The following ANKS1B variants were observed in gnomAD, a reference collection of about 807,000 sequenced individuals.
ANKS1B encodes ankyrin repeat and sterile alpha motif domain-containing protein 1B.
In ANKS1B, 36 loss-of-function variants were observed where a neutral mutation model predicts 148.3. The observed-to-expected ratio is 0.24, with a 90% CI of 0.19 to 0.32. The LOEUF (loss-of-function observed/expected upper bound fraction) is 0.32, where lower values mean the gene tolerates loss of function less well. Among genes scored for constraint, ANKS1B ranks in the 10% least tolerant of loss-of-function variants. The probability of loss-of-function intolerance (pLI) is 1.00; values close to 1 mark genes in which losing one functional copy is unlikely to be tolerated. For missense variants in ANKS1B, 1,157 were observed against 1,542.6 expected (o/e 0.75, Z 4.19); for synonymous variants, 542 against 560.8 (o/e 0.97, Z 0.47).
intron 12 of ANKS1B, among the ~76,000 whole-genome samples, chr12:99,324,100 A>G (rs1351088344): frequency 6.6e-6 from 1 of 152,190 alleles, no homozygotes; most frequent in Non-Finnish European, 1.5e-5. Context: ...ATATCTATAT[A>G]ATAAACCAAG....
intron 15 of ANKS1B, among the ~76,000 whole-genome samples, chr12:99,129,703 T>C (rs565921736): frequency 6.6e-6 from 1 of 152,314 alleles, no homozygotes; most frequent in South Asian, 2.1e-4. Context: ...AAAGTCTTTA[T>C]ATCTTGGATA....
chr12:99,405,227 G>GT (rs763392586), intron 11 of ANKS1B, among the ~76,000 whole-genome samples: 3 of 145,220 alleles, frequency 2.1e-5, no homozygotes, highest in Non-Finnish European at 3.0e-5. Context: ...TAACTCATGA[G>GT]TAAAAAAAAC....
chr12:98,898,152 C>T (rs138131837), intron 17 of ANKS1B, among the ~76,000 whole-genome samples: 1 of 151,956 alleles, frequency 6.6e-6, no homozygotes, highest in Non-Finnish European at 1.5e-5. Context: ...CCAACCTCAC[C>T]GTTATACAAC....
chr12:99,114,824 C>T (rs1430681389), intron 15 of ANKS1B, among the ~76,000 whole-genome samples: 2 of 151,528 alleles, frequency 1.3e-5, no homozygotes, highest in Non-Finnish European at 1.5e-5. Flanking sequence ...GGATATAAAC[C>T]GATACTTTTC....
chr12:99,459,194 T>TTTGATGAAA (rs1188943654), intron 10 of ANKS1B, among the ~76,000 whole-genome samples: 2 of 152,078 alleles, frequency 1.3e-5, no homozygotes, highest in African/African-American at 4.8e-5. Context: ...AGAAAAAGCA[T>TTTGATGAAA]TTGATGAAAT....
intron 1 of ANKS1B, among the ~76,000 whole-genome samples, chr12:99,967,930 G>GA (rs2095507731): frequency 6.7e-6 from 1 of 149,752 alleles, no homozygotes; most frequent in Non-Finnish European, 1.5e-5. Flanking sequence ...AAAAGAAAAA[G>GA]AAAAAAGAAA....
intron 15 of ANKS1B, among the ~76,000 whole-genome samples, chr12:99,148,756 A>G (rs554725303): frequency 1.5e-4 from 23 of 152,168 alleles, no homozygotes; most frequent in Non-Finnish European, 3.1e-4. Context: ...TCTGTAATTA[A>G]GCTGTTGTCC....
chr12:99,283,004 C>G (rs886831690), intron 12 of ANKS1B, among the ~76,000 whole-genome samples: 2 of 152,008 alleles, frequency 1.3e-5, no homozygotes, highest in Non-Finnish European at 2.9e-5. Context: ...AAGAACTAAG[C>G]CTGGAGCATT....
chr12:99,716,337 A>C (rs12830176), intron 8 of ANKS1B, among the ~76,000 whole-genome samples: 100,446 of 150,904 alleles, frequency 0.67, 33,461 homozygotes, highest in Non-Finnish European at 0.69. Flanking sequence ...GCGCCCCGAC[A>C]CCTTTCCCAC....
chr12:99,942,033 G>A (rs1037270733), intron 1 of ANKS1B, among the ~76,000 whole-genome samples: 2 of 152,148 alleles, frequency 1.3e-5, no homozygotes, highest in African/African-American at 2.4e-5. Context: ...CTTATGATTT[G>A]AAAGGCATCT....
intron 12 of ANKS1B, among the ~76,000 whole-genome samples, chr12:99,388,474 AGAGGCACCTT>A (rs1480229335): frequency 6.6e-6 from 1 of 152,210 alleles, no homozygotes; most frequent in Non-Finnish European, 1.5e-5. Context: ...TATTGATGGG[AGAGGCACCTT>A]GAGGCCAGAG....
At chr12:99,829,381 T>C (rs547899301) in intron 1 of ANKS1B, among the ~76,000 whole-genome samples, 33 of 152,204 alleles carry the variant, frequency 2.2e-4, no homozygotes, top group Admixed American at 1.8e-3. Context: ...CCGGGCGCGG[T>C]GGCTCACACC....
intron 14 of ANKS1B, among the ~76,000 whole-genome samples, chr12:99,195,548 T>C (rs1387357749): frequency 6.6e-6 from 1 of 151,954 alleles, no homozygotes; most frequent in Non-Finnish European, 1.5e-5. Flanking sequence ...GAAGCACAAA[T>C]GGAAATGCCT....
intron 19 of ANKS1B, among the ~76,000 whole-genome samples, chr12:98,822,260 TA>T (rs1351771542): frequency 6.6e-6 from 1 of 152,100 alleles, no homozygotes; most frequent in Admixed American, 6.5e-5. Context: ...TACTAGATGT[TA>T]AAAAACCTTC....
chr12:98,855,809 T>C (rs1257907205), intron 17 of ANKS1B, among the ~76,000 whole-genome samples: 2 of 149,296 alleles, frequency 1.3e-5, no homozygotes, highest in Admixed American at 6.8e-5. Context: ...AATGTCCTTG[T>C]TGTCCTTCTC....
At chr12:99,788,275 T>C (rs1400086631) in intron 4 of ANKS1B, among the ~76,000 whole-genome samples, 3 of 152,192 alleles carry the variant, frequency 2.0e-5, no homozygotes, top group African/African-American at 7.2e-5. Flanking sequence ...GACTTTGTCT[T>C]GCATCTTAGA....
chr12:98,891,485 C>A (rs571248794), intron 17 of ANKS1B, among the ~76,000 whole-genome samples: 5 of 152,080 alleles, frequency 3.3e-5, no homozygotes, highest in Admixed American at 6.5e-5. Context: ...TCATTTCACA[C>A]TGGAATTATA....
chr12:99,672,595 C>A (rs1421326960), intron 8 of ANKS1B, among the ~76,000 whole-genome samples: 1 of 152,038 alleles, frequency 6.6e-6, no homozygotes, highest in Non-Finnish European at 1.5e-5. Flanking sequence ...TGAAAGGTCA[C>A]CCCAGCTTCT....
intron 9 of ANKS1B, among the ~76,000 whole-genome samples, chr12:99,539,315 T>C (rs2097103069): frequency 6.6e-6 from 1 of 152,172 alleles, no homozygotes; most frequent in Non-Finnish European, 1.5e-5. Flanking sequence ...GATGTGCTTA[T>C]ATGAAGATGT....
Sources: gnomAD v4.1 joint callset for allele counts (sites outside exome capture counted in the v4.1 genomes callset) on GRCh38, gnomAD v4.1.1 for gene constraint, MANE v1.5 for transcripts, NCBI Gene and HGNC (gene_info 2026-07-23, HGNC 2026-07-21) for gene names.